Variants in TRPM6 observed in about 807,000 individuals in gnomAD.
TRPM6 encodes the protein channel kinase 2.
Under a neutral mutation model 247.6 loss-of-function variants are expected in TRPM6, and 111 were observed. The ratio of observed to expected loss-of-function variants is 0.45; its 90% confidence interval spans 0.38 to 0.52. The LOEUF (loss-of-function observed/expected upper bound fraction) is 0.52, where lower values mean the gene tolerates loss of function less well. TRPM6 is among the 20% of genes least tolerant of loss of function. The pLI, the probability that TRPM6 is intolerant of heterozygous loss-of-function variation, is 0.00. For synonymous variants in TRPM6, 892 were observed against 853.8 expected (o/e 1.04, Z -0.78); for missense variants, 2,126 against 2,421.5 (o/e 0.88, Z 2.56).
At chr9:74,752,494 G>T in intron 28 of TRPM6, 126 bp from the exon 29 acceptor site, 8 of 621,356 alleles carry the variant, frequency 1.3e-5, no homozygotes, top group East Asian at 2.9e-5. Context: ...TTCCCTTTCT[G>T]TTTTTAGCAA....
intron 9 of TRPM6, among the ~76,000 whole-genome samples, chr9:74,819,629 C>T (rs1829074043): frequency 6.6e-6 from 1 of 152,120 alleles, no homozygotes; most frequent in African/African-American, 2.4e-5. Flanking sequence ...TTTTTTATCC[C>T]AGAGTTTATT....
rs148985636 is a variant in TRPM6 at position 74,741,485 on chromosome 9, A to G, written c.5200+1076T>C. 3.5e-4 allele frequency among the ~76,000 whole-genome samples: 53 copies of G among 152,250 alleles called. 1 individual carries two copies. The East Asian group carries it at 8.5e-3, about 24-fold the overall frequency. The stretch of plus-strand genomic sequence containing the variant: ...TCAAATATTTATTCTTGGTGCCCAG[A>G]TAAATGCCACTGAAGATCTCTTTGG... On this transcript the variant is annotated intron_variant, in intron 33 of 38. Coordinates refer to ENST00000360774, the MANE Select transcript of TRPM6 (RefSeq NM_017662.5).
chr9:74,778,748 C>T (rs1827314354), intron 23 of TRPM6, among the ~76,000 whole-genome samples: 2 of 152,194 alleles, frequency 1.3e-5, no homozygotes, highest in African/African-American at 4.8e-5. Context: ...CCTTGGGCTG[C>T]TCTACAGTTC....
intron 1 of TRPM6, among the ~76,000 whole-genome samples, chr9:74,861,413 T>C (rs1465279884): frequency 1.3e-5 from 2 of 152,216 alleles, no homozygotes; most frequent in Non-Finnish European, 2.9e-5. Context: ...TTTTTGTATT[T>C]TTCATGCCTC....
chr9:74,744,623 A>G (rs1193736604), intron 31 of TRPM6, among the ~76,000 whole-genome samples: 1 of 152,244 alleles, frequency 6.6e-6, no homozygotes, highest in African/African-American at 2.4e-5. Flanking sequence ...GAAACAAAGA[A>G]GAGGGTGGAT....
intron 33 of TRPM6, 95 bp from the exon 34 acceptor site, chr9:74,740,104 C>T (rs1448115548): frequency 7.3e-7 from 1 of 1,373,506 alleles, no homozygotes; most frequent in African/African-American, 1.4e-5. Flanking sequence ...AGTTCAGTTA[C>T]CCAAATGACC....
At chr9:74,748,928 T>A (rs966934867) in intron 30 of TRPM6, among the ~76,000 whole-genome samples, 1 of 152,198 alleles carries the variant, frequency 6.6e-6, no homozygotes, top group Non-Finnish European at 1.5e-5. Context: ...CAGAGCAAGC[T>A]TCCAGTCCTG....
intron 20 of TRPM6, among the ~76,000 whole-genome samples, chr9:74,786,934 C>T (rs1372279819): frequency 6.6e-6 from 1 of 152,172 alleles, no homozygotes; most frequent in Non-Finnish European, 1.5e-5. Context: ...TGCAGTGGCT[C>T]ACGCCTGTAA....
intron 1 of TRPM6, among the ~76,000 whole-genome samples, chr9:74,886,482 G>C (rs1831531632): frequency 6.6e-6 from 1 of 151,662 alleles, no homozygotes; most frequent in South Asian, 2.1e-4. Flanking sequence ...TGTATGACTA[G>C]AACATCTATG....
chr9:74,789,328 A>G (rs1216700669), intron 19 of TRPM6, among the ~76,000 whole-genome samples: 1 of 151,834 alleles, frequency 6.6e-6, no homozygotes, highest in Non-Finnish European at 1.5e-5. Context: ...TGCTTGACAC[A>G]TGATAGACAT....
intron 19 of TRPM6, among the ~76,000 whole-genome samples, chr9:74,789,678 G>A (rs554179549): frequency 1.3e-5 from 2 of 152,176 alleles, no homozygotes; most frequent in South Asian, 2.1e-4. Context: ...ACCTTGTATC[G>A]GCTGGATGCG....
chr9:74,845,569 G>A (rs781781899), intron 3 of TRPM6, among the ~76,000 whole-genome samples: 5 of 152,188 alleles, frequency 3.3e-5, no homozygotes, highest in Non-Finnish European at 5.9e-5. Flanking sequence ...AGTGGCTCAC[G>A]CCCGTAATTC....
chr9:74,796,672 T>A, intron 18 of TRPM6, 69 bp downstream of exon 18: 6 of 1,533,464 alleles, frequency 3.9e-6, no homozygotes, highest in Non-Finnish European at 5.4e-6. Context: ...ATAAGTAAAC[T>A]TTAAGGATGT....
intron 29 of TRPM6, 90 bp from the exon 30 acceptor site, chr9:74,750,812 G>A: frequency 1.7e-6 from 2 of 1,177,238 alleles, no homozygotes; most frequent in Non-Finnish European, 2.6e-6. Flanking sequence ...GCTCCTTGGA[G>A]AATCCTTCTT....
At chr9:74,869,498 C>T (rs1830959968) in intron 1 of TRPM6, among the ~76,000 whole-genome samples, 1 of 149,796 alleles carries the variant, frequency 6.7e-6, no homozygotes, top group Non-Finnish European at 1.5e-5. Flanking sequence ...CGATATAAAG[C>T]AAAAGCCAAC....
At position 74,762,050 on chromosome 9, in the gene TRPM6, T is replaced by A. The variant is rs757918529; in HGVS notation, c.4621A>T (p.Ser1541Cys). ...TTCTCCTCCTTATGGAATCTAAAACTATGACTCCTAGCGAAGGGCCTGTAT... is the reference window on the plus strand; with the variant it reads ...TTCTCCTCCTTATGGAATCTAAAACAATGACTCCTAGCGAAGGGCCTGTAT... ...RRYRPFARSH[S>C]FRFHKEEKLM... Residue 1541 changes from serine (S) to cysteine (C), a missense_variant, in exon 26 of 39, where the codon AGT (serine) becomes TGT (cysteine). Ser to Cys is a moderately radical substitution (Grantham distance 112). This residue lies in a region of TRPM6 where 717 missense variants were observed against 715.9 expected (regional missense o/e 1.00). Coordinates refer to ENST00000360774, the MANE Select transcript of TRPM6 (RefSeq NM_017662.5). The A allele has an allele frequency of 6.2e-7, 1 of 1,614,106 alleles. No individual in the cohort carries two copies. The highest frequency in any genetic ancestry group is 8.5e-7 in the Non-Finnish European group (1 of 1,180,054).
At chr9:74,882,569 C>T (rs925342978) in intron 1 of TRPM6, among the ~76,000 whole-genome samples, 71 of 152,174 alleles carry the variant, frequency 4.7e-4, no homozygotes, top group African/African-American at 1.6e-3. Flanking sequence ...GATATCATCT[C>T]GCTCCAGTTA....
chr9:74,816,602 C>T (rs1225577213), intron 11 of TRPM6, 67 bp downstream of exon 11: 2 of 1,311,940 alleles, frequency 1.5e-6, no homozygotes, highest in East Asian at 4.6e-5. Context: ...CTCATTTTCT[C>T]TTTTGCCCCT....
chr9:74,827,540 C>T (rs1829381114), intron 7 of TRPM6, among the ~76,000 whole-genome samples: 1 of 151,640 alleles, frequency 6.6e-6, no homozygotes, highest in Non-Finnish European at 1.5e-5. Context: ...AGGAAGAAAT[C>T]TTTGGGGGGA....
Sources: gnomAD v4.1 joint callset for allele counts (sites outside exome capture counted in the v4.1 genomes callset) on GRCh38, gnomAD v4.1.1 for gene constraint, gnomAD v4.1.1 regional missense constraint, MANE v1.5 for transcripts, NCBI Gene and HGNC (gene_info 2026-07-23, HGNC 2026-07-21) for gene names.